The following RAPGEF3 variants were observed in gnomAD, a reference collection of about 807,000 sequenced individuals.
RAPGEF3 encodes the protein 9330170P05Rik.
Under a neutral mutation model 129.8 loss-of-function variants are expected in RAPGEF3, and 103 were observed. The ratio of observed to expected loss-of-function variants is 0.79; its 90% CI spans 0.68 to 0.93. RAPGEF3 has a LOEUF of 0.93. Ranked by LOEUF, RAPGEF3 falls within the 40% of genes least tolerant of loss-of-function variation. The pLI, the probability that RAPGEF3 is intolerant of heterozygous loss-of-function variation, is 0.00. For synonymous variants in RAPGEF3, 436 were observed against 482.6 expected (o/e 0.90, Z 1.26); for missense variants, 1,117 against 1,207.4 (o/e 0.93, Z 1.11).
At chr12:47,758,239 C>T (rs1942216833) in intron 1 of RAPGEF3, 161 bp from the exon 2 acceptor site, 1 of 1,434,778 alleles carries the variant, frequency 7.0e-7, no homozygotes, top group South Asian at 1.5e-5. Flanking sequence ...ACAGGAAGAC[C>T]TTCACTGGGG....
chr12:47,757,734 G>C (rs1942167161), intron 2 of RAPGEF3, 132 bp downstream of exon 2: 2 of 835,896 alleles, frequency 2.4e-6, no homozygotes, highest in Non-Finnish European at 3.7e-6. Flanking sequence ...TCCTGACCCA[G>C]TGTCCACGGC....
intron 18 of RAPGEF3, 35 bp from the exon 19 acceptor site, chr12:47,741,637 A>G: frequency 1.2e-6 from 1 of 816,026 alleles, no homozygotes; most frequent in Non-Finnish European, 2.0e-6. Flanking sequence ...GGGTGGGGGA[A>G]GGGAGGGAGG....
chr12:47,743,382 C>A, intron 18 of RAPGEF3, 148 bp downstream of exon 18: 1 of 1,094,984 alleles, frequency 9.1e-7, no homozygotes, highest in Non-Finnish European at 1.3e-6. Flanking sequence ...TTCGAACAGA[C>A]GCACTCCACC....
At chr12:47,740,495 T>G in intron 21 of RAPGEF3, 100 bp from the exon 22 acceptor site, 2 of 1,489,432 alleles carry the variant, frequency 1.3e-6, no homozygotes, top group Non-Finnish European at 9.3e-7. Flanking sequence ...AGATCCAAGC[T>G]GGATGGGGTG....
At chr12:47,743,734 G>A in intron 17 of RAPGEF3, 58 bp from the exon 18 acceptor site, 4 of 1,574,586 alleles carry the variant, frequency 2.5e-6, no homozygotes, top group Non-Finnish European at 3.5e-6. Flanking sequence ...ACCCCAGGAG[G>A]GAGAGGGCGG....
intron 5 of RAPGEF3, 56 bp downstream of exon 5, chr12:47,751,343 T>G (rs1008990419): frequency 2.1e-5 from 33 of 1,608,810 alleles, no homozygotes; most frequent in Non-Finnish European, 2.8e-5. Context: ...TGCCCTGTCC[T>G]GTCCCCCTCA....
chr12:47,749,952 T>C lies in RAPGEF3; in HGVS notation c.795A>G (p.Pro265=). The C allele has an allele frequency of 6.2e-7, 1 of 1,614,232 alleles. No homozygotes were observed. Among genetic ancestry groups the C allele is most frequent in the Non-Finnish European group, 8.5e-7 (1 of 1,180,034 alleles). ...RELAAVLLFE[P]HSKAGTVLFS... ...TACACACGGTCCCTGCCTTGCTGTG[T>C]GGTTCAAAGAGCAGAACAGCCGCTA... The change falls in exon 8 of 28, where the codon CCA becomes CCG. Residue 265 remains proline (P), a synonymous_variant. Coordinates refer to ENST00000449771, the MANE Select transcript of RAPGEF3 (RefSeq NM_001098531.4). This position sits in a 1 kb window ranked among gnomAD's most constrained non-coding sequence, Gnocchi z 4.5.
rs1038324597 is a variant in RAPGEF3 at position 47,755,473 on chromosome 12, T to A, written c.219+2393A>T. ...CCCAAGAACAGTCACACAAAGAGAA[T>A]CATCTCAGACTTCCCTGAGCTAGTA... On this transcript the variant is annotated intron_variant, in intron 2 of 27. Coordinates refer to ENST00000449771, the MANE Select transcript of RAPGEF3 (RefSeq NM_001098531.4). Among the ~76,000 whole-genome samples, 5 of 152,258 alleles carry A rather than the reference T, an allele frequency of 3.3e-5. 1 individual carries two copies.
chr12:47,744,091 A>T (rs772326685), intron 16 of RAPGEF3, 23 bp from the exon 17 acceptor site: 9 of 1,553,128 alleles, frequency 5.8e-6, no homozygotes, highest in Non-Finnish European at 7.1e-6. Flanking sequence ...GGAACGAGAA[A>T]ATAAGGCTGG....
chr12:47,741,743 G>A (rs1941181436), intron 18 of RAPGEF3, 141 bp from the exon 19 acceptor site: 1 of 678,186 alleles, frequency 1.5e-6, no homozygotes, highest in Non-Finnish European at 2.6e-6. Context: ...GTGGTGCTCA[G>A]AATACACAGG....
At position 47,740,191 on chromosome 12, in the gene RAPGEF3, G is replaced by T. The variant is rs373278702; in HGVS notation, c.2323C>A (p.Arg775=). The part of the protein sequence containing the change: ...AISRLAHTWE[R]LPHKVRKLYS... ...AGCTTCCGGACTTTGTGAGGCAGCC[G>T]CTGTGAAAAGGAGGCAGATGAGCGG... The change falls in exon 23 of 28, where the codon CGG becomes AGG. Residue 775 remains arginine (R), a splice_region_variant and synonymous_variant. Coordinates refer to ENST00000449771, the MANE Select transcript of RAPGEF3 (RefSeq NM_001098531.4). The T allele has an allele frequency of 6.2e-7, 1 of 1,613,788 alleles. No individual in the cohort carries two copies. The highest frequency in any genetic ancestry group is 1.7e-5 in the Admixed American group (1 of 60,006).
rs769070035 is a variant in RAPGEF3 at position 47,740,150 on chromosome 12, C to T, written c.2364G>A (p.Glu788=). The T allele has an allele frequency of 6.2e-7, 1 of 1,613,170 alleles. No homozygotes were observed. Among genetic ancestry groups the T allele is most frequent in the Admixed American group, 1.7e-5 (1 of 59,944 alleles). ...HKVRKLYSAL[E]RLLDPSWNHR... is the part of the protein sequence containing the mutation. Reference sequence around the variant, plus strand: ...AGGGTGGAGCACTCACCAGCAGCCTCTCGAGGGCGGAGTACAGCTTCCGGA... The same window carrying T: ...AGGGTGGAGCACTCACCAGCAGCCTTTCGAGGGCGGAGTACAGCTTCCGGA... The change falls in exon 23 of 28, where the codon GAG becomes GAA. Residue 788 remains glutamate, a synonymous_variant. Coordinates refer to ENST00000449771, the MANE Select transcript of RAPGEF3 (RefSeq NM_001098531.4).
chr12:47,740,833 G>A lies in RAPGEF3; in HGVS notation c.2050-10C>T, dbSNP rs764015647. On this transcript the variant is annotated splice_polypyrimidine_tract_variant and intron_variant, in intron 20 of 27. Coordinates refer to ENST00000449771, the MANE Select transcript of RAPGEF3 (RefSeq NM_001098531.4). The stretch of plus-strand genomic sequence containing the variant: ...AGTGGATCAGCTCCACCTGGGTGGG[G>A]TCAGCAGGAGAGGTCAGCGAGTGCT... 6.5e-5 allele frequency: 105 copies of A among 1,613,750 alleles called. No individual in the cohort carries two copies. In the South Asian group the frequency reaches 1.1e-3, roughly 17 times the overall value.
chr12:47,748,019 C>T lies in RAPGEF3; in HGVS notation c.1322+55G>A. ...CCACGCTGGTGAGATTTTCTCTCAA[C>T]CCCACGCACCATCCTATCCCCATGC... is the stretch of plus-strand genomic sequence containing the variant. On this transcript the variant is annotated intron_variant, in intron 13 of 27. Transcript: ENST00000449771. 5 of 1,545,262 alleles carry T rather than the reference C, an allele frequency of 3.2e-6. No individual in the cohort carries two copies. The South Asian group carries it at 4.6e-5, about 14-fold the overall frequency.
chr12:47,748,929 A>G lies in RAPGEF3; in HGVS notation c.1044T>C (p.Asp348=). The G allele has an allele frequency of 1.2e-6, 2 of 1,611,724 alleles. No homozygotes were observed. The highest frequency in any genetic ancestry group is 1.7e-6 in the Non-Finnish European group (2 of 1,177,852). Residue 348 remains aspartate (D), a splice_region_variant and synonymous_variant, in exon 11 of 28, where the codon GAT becomes GAC. Transcript: ENST00000449771. ...DKQDFNRIIK[D]VEAKTMRLEE... Reference sequence around the variant, plus strand: ...CCAGCCGCATGGTCTTTGCCTCCACATCCTGGAGAACAGGCCACATCCCAT... The same window carrying G: ...CCAGCCGCATGGTCTTTGCCTCCACGTCCTGGAGAACAGGCCACATCCCAT...
chr12:47,751,190 G>C lies in RAPGEF3; in HGVS notation c.529C>G (p.Arg177Gly). The change falls in exon 6 of 28, where the codon CGA becomes GGA. Residue 177 changes from arginine to glycine, a missense_variant. By Grantham distance (125) the Arg-to-Gly change is moderately radical. Transcript: ENST00000449771. ...HVKHDWAFQD[R>G]DAQFYRFPGP... ...GGGAACCGGTAGAATTGGGCATCTC[G>C]GTCCTGGAAGGCCCAGTCGTGTTTC... 1 of 1,552,528 alleles carries C rather than the reference G, an allele frequency of 6.4e-7. No homozygotes were observed. The highest frequency in any genetic ancestry group is 8.7e-7 in the Non-Finnish European group (1 of 1,147,830).
Position 47,751,148 on chromosome 12 carries a change from G to T in RAPGEF3, c.571C>A (p.Pro191Thr), listed in dbSNP as rs1228416722. 2.6e-6 allele frequency: 4 copies of T among 1,558,678 alleles called. No individual in the cohort carries two copies. The highest frequency in any genetic ancestry group is 1.2e-5 in the South Asian group (1 of 84,514). Residue 191 changes from proline to threonine, a missense_variant, in exon 6 of 28, where the codon CCC (proline) becomes ACC (threonine). Physicochemically the swap from Pro to Thr is conservative, Grantham distance 38. Around this residue, in one of 3 missense-constraint regions of RAPGEF3, gnomAD observed 367 missense variants for 373.4 expected, o/e 0.98. Coordinates refer to ENST00000449771, the MANE Select transcript of RAPGEF3 (RefSeq NM_001098531.4). ...FYRFPGPEPEPVRTHEMEEEL... is the reference protein window; with the variant it reads ...FYRFPGPEPETVRTHEMEEEL... ...TCCTCCATCTCATGAGTTCTCACGG[G>T]CTCGGGCTCGGGCCCGGGGAACCGG... is the stretch of plus-strand genomic sequence containing the variant.
chr12:47,748,275 C>T (rs1234285276), intron 12 of RAPGEF3, 123 bp from the exon 13 acceptor site: 2 of 1,009,302 alleles, frequency 2.0e-6, no homozygotes, highest in Admixed American at 2.1e-5. Context: ...CAGCAGTGTC[C>T]AGCCCCTGTG....
At chr12:47,744,287 A>G (rs775253935) in intron 16 of RAPGEF3, 45 of 576,920 alleles carry the variant, frequency 7.8e-5, no homozygotes, top group Non-Finnish European at 1.3e-4. Flanking sequence ...GGGCAAATCC[A>G]TGCCCCTCCG....
Sources: gnomAD v4.1 joint callset for allele counts (sites outside exome capture counted in the v4.1 genomes callset) on GRCh38, gnomAD v4.1.1 for gene constraint, gnomAD v4.1.1 regional missense constraint, Gnocchi (gnomAD v3.1) non-coding constraint, MANE v1.5 for transcripts, NCBI Gene and HGNC (gene_info 2026-07-23, HGNC 2026-07-21) for gene names.